The following CA4 variants were observed in gnomAD, a reference collection of about 807,000 sequenced individuals.
CA4 encodes carbonic anhydrase 4.
Under a neutral mutation model 34.5 loss-of-function variants are expected in CA4, and 24 were observed. The observed-to-expected ratio is 0.70, with a 90% CI of 0.50 to 0.98. The LOEUF is 0.98. Ranked by LOEUF, CA4 falls within the 50% of genes least tolerant of loss-of-function variation. CA4 has a pLI of 0.00. For missense variants in CA4, 394 were observed against 396.7 expected (o/e 0.99, Z 0.06); for synonymous variants, 178 against 170.6 (o/e 1.04, Z -0.34).
downstream of CA4, among the ~76,000 whole-genome samples, chr17:60,175,465 AG>A (rs1256637477): frequency 6.6e-6 from 1 of 150,716 alleles, no homozygotes; most frequent in Non-Finnish European, 1.5e-5. Flanking sequence ...GCTACTGGGG[AG>A]GCTGAGGTGG....
chr17:60,163,908 A>G (rs975386832), downstream of CA4, among the ~76,000 whole-genome samples: 2 of 151,894 alleles, frequency 1.3e-5, no homozygotes, highest in Admixed American at 6.6e-5. Context: ...AGGCGGGAGG[A>G]TCACTTGAGC....
chr17:60,158,395 G>A lies in CA4; in HGVS notation c.693G>A (p.Glu231=). The A allele has an allele frequency of 3.1e-6, 5 of 1,614,170 alleles. No individual in the cohort carries two copies. Among genetic ancestry groups the A allele is most frequent in the Non-Finnish European group, 4.2e-6 (5 of 1,180,018 alleles). ...LGSLTTPTCD[E]KVVWTVFREP... Reference sequence around the variant, plus strand: ...CACTCACCACACCGACCTGCGATGAGAAGGTCGTCTGGACTGTGTTCCGGG... The same window carrying A: ...CACTCACCACACCGACCTGCGATGAAAAGGTCGTCTGGACTGTGTTCCGGG... The change falls in exon 7 of 8, where the codon GAG becomes GAA. Residue 231 remains glutamate, a synonymous_variant. Coordinates refer to ENST00000300900, the MANE Select transcript of CA4 (RefSeq NM_000717.5).
rs1484522765 is a variant in CA4 at position 60,166,443 on chromosome 17, C to G, written c.*179-4108C>G. The stretch of plus-strand genomic sequence containing the variant: ...GACTGTGTGTCTTTAGGATAGATTT[C>G]TATAAGTGAAGTTTCTGGTTCAAAG... On this transcript the variant is annotated intron_variant and NMD_transcript_variant, in intron 5 of 5. Transcript: ENST00000586876. Among the ~76,000 whole-genome samples the G allele has an allele frequency of 4.6e-5, 7 of 152,174 alleles. No homozygotes were observed. The East Asian group carries it at 1.3e-3, about 29-fold the overall frequency.
chr17:60,174,968 T>C (rs1442514073), downstream of CA4, among the ~76,000 whole-genome samples: 2 of 152,172 alleles, frequency 1.3e-5, no homozygotes, highest in African/African-American at 2.4e-5. Context: ...CGAAGACCTC[T>C]CTCAACGCAT....
Position 60,159,351 on chromosome 17 carries a change from G to A in CA4, c.866G>A (p.Arg289Gln), listed in dbSNP as rs1472344168. ...GTGATAAAGTCCGGGGCCCCGGGTC[G>A]GCCGCTGCCCTGGGCCCTGCCTGCC... The part of the protein sequence containing the change: ...RTVIKSGAPG[R>Q]PLPWALPALL... The change falls in exon 8 of 8, where the codon CGG (arginine) becomes CAG (glutamine). Residue 289 changes from arginine (R) to glutamine (Q), a missense_variant. Coordinates refer to ENST00000300900, the MANE Select transcript of CA4 (RefSeq NM_000717.5). 3.1e-6 allele frequency: 5 copies of A among 1,610,170 alleles called. No individual in the cohort carries two copies. Among genetic ancestry groups the A allele is most frequent in the South Asian group, 1.1e-5 (1 of 90,610 alleles).
At chr17:60,159,755 T>C (rs548755723), downstream of CA4, among the ~76,000 whole-genome samples, 5 of 152,328 alleles carry the variant, frequency 3.3e-5, no homozygotes, top group Admixed American at 6.5e-5. Context: ...GGAGAGATGC[T>C]GAAGGCATCT....
At chr17:60,165,087 C>A (rs753958364) in intron 5 of CA4, among the ~76,000 whole-genome samples, 1 of 152,056 alleles carries the variant, frequency 6.6e-6, no homozygotes, top group Non-Finnish European at 1.5e-5. Flanking sequence ...TATGATGATT[C>A]TTTTTATTGG....
intron 1 of CA4, among the ~76,000 whole-genome samples, chr17:60,151,890 C>G (rs1259562173): frequency 6.6e-6 from 1 of 152,276 alleles, no homozygotes; most frequent in East Asian, 1.9e-4. Flanking sequence ...GATATTTGGT[C>G]CCCTTCAGAG....
At chr17:60,150,169 TC>T (rs2083563340) in intron 1 of CA4, 77 bp downstream of exon 1, 5 of 1,258,334 alleles carry the variant, frequency 4.0e-6, no homozygotes, top group Admixed American at 1.9e-5. Context: ...CTGCAGAGGA[TC>T]CCCCCGCGGG....
At chr17:60,155,468 G>A (rs994654691) in intron 2 of CA4, 101 bp downstream of exon 2, 5 of 835,282 alleles carry the variant, frequency 6.0e-6, no homozygotes, top group Admixed American at 2.0e-5. Context: ...GGGTGATGGT[G>A]GCTTCCCAGG....
chr17:60,165,491 C>T (rs1403089023), intron 5 of CA4, among the ~76,000 whole-genome samples: 1 of 152,168 alleles, frequency 6.6e-6, no homozygotes, highest in African/African-American at 2.4e-5. Flanking sequence ...GCCCACATCC[C>T]TGAAAGAAGG....
chr17:60,154,734 G>T (rs1252869548), intron 1 of CA4, among the ~76,000 whole-genome samples: 2 of 152,214 alleles, frequency 1.3e-5, no homozygotes, highest in African/African-American at 2.4e-5. Flanking sequence ...CGGTTGAGGG[G>T]CAGGGGAGGA....
At chr17:60,151,318 T>C (rs2083588268) in intron 1 of CA4, 1 of 152,212 alleles carries the variant, frequency 6.6e-6, no homozygotes, top group African/African-American at 2.4e-5. Context: ...GGAGCCAGCG[T>C]GTGCCCTTTG....
At chr17:60,153,683 C>G (rs538624110) in intron 1 of CA4, among the ~76,000 whole-genome samples, 1 of 152,192 alleles carries the variant, frequency 6.6e-6, no homozygotes, top group African/African-American at 2.4e-5. Context: ...CAGATAACTC[C>G]CCTGTGGAGA....
At chr17:60,158,913 C>T in intron 7 of CA4, 1 of 457,758 alleles carries the variant, frequency 2.2e-6, no homozygotes, top group Non-Finnish European at 4.0e-6. Flanking sequence ...ACAAGCCCGC[C>T]CCCCAGCTGA....
chr17:60,174,307 T>C (rs1451657591), downstream of CA4, among the ~76,000 whole-genome samples: 1 of 152,142 alleles, frequency 6.6e-6, no homozygotes, highest in Non-Finnish European at 1.5e-5. Context: ...ATACCTTCTT[T>C]GGGCAGCACA....
chr17:60,150,333 G>T (rs961518040), intron 1 of CA4, among the ~76,000 whole-genome samples: 1 of 152,198 alleles, frequency 6.6e-6, no homozygotes, highest in Non-Finnish European at 1.5e-5. Context: ...GCGCGGTGAG[G>T]GTGTGTGCGC....
chr17:60,154,525 G>T (rs538299064), intron 1 of CA4, among the ~76,000 whole-genome samples: 3 of 152,362 alleles, frequency 2.0e-5, no homozygotes, highest in African/African-American at 7.2e-5. Flanking sequence ...TATTTTTAGA[G>T]CAATTTTAGG....
intron 5 of CA4, among the ~76,000 whole-genome samples, chr17:60,164,656 G>T (rs1385820773): frequency 6.6e-6 from 1 of 152,110 alleles, no homozygotes; most frequent in Non-Finnish European, 1.5e-5. Flanking sequence ...CTCCCAAAGT[G>T]CTGGGATTAT....
Sources: gnomAD v4.1 joint callset for allele counts (sites outside exome capture counted in the v4.1 genomes callset) on GRCh38, gnomAD v4.1.1 for gene constraint, MANE v1.5 for transcripts, NCBI Gene and HGNC (gene_info 2026-07-23, HGNC 2026-07-21) for gene names.